Variants in RBFOX1 observed in about 807,000 individuals in gnomAD.
The protein encoded by RBFOX1 is RNA binding fox-1 homolog 1.
Under a neutral mutation model 57.7 loss-of-function variants are expected in RBFOX1, and 8 were observed. That is an observed-to-expected ratio of 0.14 (90% CI 0.08 to 0.25). RBFOX1 has a LOEUF of 0.25. Among genes scored for constraint, RBFOX1 ranks in the 10% least tolerant of loss-of-function variants. The pLI, the probability that RBFOX1 is intolerant of heterozygous loss-of-function variation, is 1.00. For missense variants in RBFOX1, 611 were observed against 548.5 expected (o/e 1.11, Z -1.14); for synonymous variants, 326 against 222.4 (o/e 1.47, Z -4.15).
intron 3 of RBFOX1, among the ~76,000 whole-genome samples, chr16:6,855,834 C>CTTCCCTCCCTCT (rs1197526520): frequency 9.9e-5 from 3 of 30,158 alleles, no homozygotes; most frequent in Non-Finnish European, 2.0e-4. Context: ...TCCCTCCCTC[C>CTTCCCTCCCTCT]TTCCCTCCCT....
chr16:5,301,258 C>T (rs1434618350), intron 1 of RBFOX1, among the ~76,000 whole-genome samples: 2 of 152,172 alleles, frequency 1.3e-5, no homozygotes, highest in Admixed American at 6.5e-5. Flanking sequence ...GGGAAGCCTG[C>T]AGCCAGCAGC....
chr16:6,861,961 C>T (rs937631100), intron 3 of RBFOX1, among the ~76,000 whole-genome samples: 11 of 150,014 alleles, frequency 7.3e-5, no homozygotes, highest in African/African-American at 2.5e-4. Flanking sequence ...TTGGAATATG[C>T]AATGGGAGGC....
At position 7,608,872 on chromosome 16, in the gene RBFOX1, G is replaced by A. The variant is rs149249483; in HGVS notation, c.676+1534G>A. On this transcript the variant is annotated intron_variant, in intron 10 of 15. Transcript: ENST00000550418. ...GGCAAAGTTAGCTGCATATTCTGCT[G>A]AATTTTGAGTATGCTATGAGACAAA... Among the ~76,000 whole-genome samples, 1,189 of 152,306 alleles carry A rather than the reference G, an allele frequency of 7.8e-3. 8 individuals carry two copies. The highest frequency in any genetic ancestry group is 0.014 in the Middle Eastern group (4 of 294).
intron 3 of RBFOX1, among the ~76,000 whole-genome samples, chr16:6,741,726 A>G (rs2072207356): frequency 6.6e-6 from 1 of 152,150 alleles, no homozygotes; most frequent in South Asian, 2.1e-4. Flanking sequence ...AGATATTGGA[A>G]AGAAAAGCTA....
At chr16:5,283,233 T>C (rs553155496) in intron 1 of RBFOX1, among the ~76,000 whole-genome samples, 1 of 152,260 alleles carries the variant, frequency 6.6e-6, no homozygotes, top group East Asian at 1.9e-4. Flanking sequence ...CAGGCAGCAG[T>C]TTGCTGCAGG....
chr16:7,327,159 A>G (rs2096622291), intron 4 of RBFOX1, among the ~76,000 whole-genome samples: 1 of 152,210 alleles, frequency 6.6e-6, no homozygotes, highest in African/African-American at 2.4e-5. Flanking sequence ...AGAAGCTGTC[A>G]TGGAACATTT....
intron 1 of RBFOX1, among the ~76,000 whole-genome samples, chr16:6,161,538 A>G (rs1358584546): frequency 6.6e-6 from 1 of 152,198 alleles, no homozygotes; most frequent in Non-Finnish European, 1.5e-5. Context: ...AGAATTTAAC[A>G]TCCGCATCCA....
At chr16:7,619,443 T>C (rs2058967439) in intron 10 of RBFOX1, among the ~76,000 whole-genome samples, 1 of 152,156 alleles carries the variant, frequency 6.6e-6, no homozygotes, top group Non-Finnish European at 1.5e-5. Context: ...TTTGAGAGAT[T>C]GAAAGGTGAC....
At chr16:5,337,991 C>CTA (rs1176836648) in intron 1 of RBFOX1, among the ~76,000 whole-genome samples, 1 of 152,176 alleles carries the variant, frequency 6.6e-6, no homozygotes, top group East Asian at 1.9e-4. Flanking sequence ...CTGCAGTGAA[C>CTA]TATGATTGCA....
chr16:5,635,547 C>G (rs1264352423), intron 3 of RBFOX1, among the ~76,000 whole-genome samples: 1 of 152,188 alleles, frequency 6.6e-6, no homozygotes, highest in Admixed American at 6.5e-5. Flanking sequence ...AAATATGTAT[C>G]CCATACAGAT....
intron 2 of RBFOX1, among the ~76,000 whole-genome samples, chr16:6,535,388 A>G (rs1404235532): frequency 6.6e-6 from 1 of 151,782 alleles, no homozygotes; most frequent in South Asian, 2.1e-4. Context: ...AAGATTCACT[A>G]GAAGTCTCAC....
chr16:6,700,334 C>G lies in RBFOX1; in HGVS notation c.-16+45684C>G, dbSNP rs151049060. Reference sequence around the variant, plus strand: ...ATGCTTACATAAATTTTTAAAACATCAGCACCATAGGCAAGGTTAAAACAA... The same window carrying G: ...ATGCTTACATAAATTTTTAAAACATGAGCACCATAGGCAAGGTTAAAACAA... On this transcript the variant is annotated intron_variant, in intron 3 of 15. Coordinates refer to ENST00000550418, the MANE Select transcript of RBFOX1 (RefSeq NM_018723.4). Among the ~76,000 whole-genome samples, 485 of 147,948 alleles carry G rather than the reference C, an allele frequency of 3.3e-3. 4 individuals are homozygous for G. Among genetic ancestry groups the G allele is most frequent in the African/African-American group, 0.011 (448 of 40,854 alleles).
At chr16:7,432,026 G>C (rs1383268627) in intron 4 of RBFOX1, among the ~76,000 whole-genome samples, 2 of 152,180 alleles carry the variant, frequency 1.3e-5, no homozygotes, top group African/African-American at 2.4e-5. Flanking sequence ...CCTTCCACTT[G>C]CTTTCCTTAC....
intron 3 of RBFOX1, among the ~76,000 whole-genome samples, chr16:5,642,012 C>T (rs188603552): frequency 3.7e-4 from 56 of 152,208 alleles, no homozygotes; most frequent in African/African-American, 1.2e-3. Flanking sequence ...TCAGGGGATA[C>T]CAAGGCTGCT....
chr16:7,672,760 G>A (rs943401781), intron 13 of RBFOX1, among the ~76,000 whole-genome samples: 10 of 151,076 alleles, frequency 6.6e-5, no homozygotes, highest in East Asian at 1.9e-4. Flanking sequence ...CCAGCTACTC[G>A]GGAGGCTGAG....
intron 5 of RBFOX1, among the ~76,000 whole-genome samples, chr16:7,546,104 A>G (rs1037117635): frequency 2.0e-5 from 3 of 151,904 alleles, no homozygotes; most frequent in African/African-American, 4.8e-5. Context: ...AGGCAGGTGG[A>G]TCACCTGAGG....
intron 3 of RBFOX1, among the ~76,000 whole-genome samples, chr16:6,998,783 T>G (rs922576858): frequency 6.6e-6 from 1 of 152,122 alleles, no homozygotes; most frequent in Non-Finnish European, 1.5e-5. Flanking sequence ...TATTACAGAC[T>G]CCAGTCTAAA....
At chr16:7,102,518 G>A (rs188262548) in intron 4 of RBFOX1, among the ~76,000 whole-genome samples, 40 of 152,266 alleles carry the variant, frequency 2.6e-4, no homozygotes, top group Non-Finnish European at 4.4e-4. Flanking sequence ...TTACTGATGT[G>A]CTTACTGCTT....
intron 3 of RBFOX1, among the ~76,000 whole-genome samples, chr16:5,838,856 C>T (rs1403343332): frequency 6.6e-6 from 1 of 152,184 alleles, no homozygotes; most frequent in Non-Finnish European, 1.5e-5. Context: ...AGTGAGCTCT[C>T]ACACCATTTT....
Sources: gnomAD v4.1 joint callset for allele counts (sites outside exome capture counted in the v4.1 genomes callset) on GRCh38, gnomAD v4.1.1 for gene constraint, MANE v1.5 for transcripts, NCBI Gene and HGNC (gene_info 2026-07-23, HGNC 2026-07-21) for gene names.